Variants in USH2A observed in about 807,000 individuals in gnomAD.
USH2A encodes Usher syndrome 2A (autosomal recessive, mild).
USH2A carries 443 observed loss-of-function variants against 538.9 expected under a neutral mutation model. That is an observed-to-expected ratio of 0.82 (90% CI 0.76 to 0.89). The LOEUF is 0.89. USH2A is among the 40% of genes least tolerant of loss of function. USH2A has a pLI of 0.00. For synonymous variants in USH2A, 2,413 were observed against 2,273.5 expected (o/e 1.06, Z -1.75); for missense variants, 6,633 against 6,324.8 (o/e 1.05, Z -1.65).
intron 38 of USH2A, chr1:215,901,369 C>T (rs1665497336): frequency 5.9e-5 from 10 of 170,472 alleles, no homozygotes; most frequent in Non-Finnish European, 7.5e-5. Context: ...CTTTTCCTTT[C>T]TTTTTTTTTT....
At chr1:215,953,375 A>G (rs116242125) in intron 37 of USH2A, among the ~76,000 whole-genome samples, 22,658 of 152,160 alleles carry the variant, frequency 0.15, 1,891 homozygotes, top group African/African-American at 0.22. Context: ...GACATAGACC[A>G]ATAGAATGGA....
chr1:216,029,744 G>A (rs1669047439), intron 32 of USH2A, among the ~76,000 whole-genome samples: 1 of 151,642 alleles, frequency 6.6e-6, no homozygotes, highest in African/African-American at 2.4e-5. Context: ...ATGTACAAAT[G>A]AATAAGATAG....
At position 215,860,619 on chromosome 1, in the gene USH2A, A is replaced by T. The variant is rs140171836; in HGVS notation, c.8845+6388T>A. 4.6e-3 allele frequency among the ~76,000 whole-genome samples: 702 copies of T among 152,284 alleles called. 5 individuals are homozygous for T. Among genetic ancestry groups the T allele is most frequent in the African/African-American group, 0.016 (671 of 41,562 alleles). Reference sequence around the variant, plus strand: ...CTTATTTAAAAATCAGAATCACCTTATTGCTGTTTATGTGCTCCAGTGGCA... The same window carrying T: ...CTTATTTAAAAATCAGAATCACCTTTTTGCTGTTTATGTGCTCCAGTGGCA... On this transcript the variant is annotated intron_variant, in intron 44 of 71. Coordinates refer to ENST00000307340, the MANE Select transcript of USH2A (RefSeq NM_206933.4).
rs897954576 is a variant in USH2A, at chr1:216,146,045, C to T, written c.4627+29207G>A. Among the ~76,000 whole-genome samples the T allele has an allele frequency of 3.3e-5, 5 of 152,292 alleles. No homozygotes were observed. In the East Asian group the frequency reaches 5.8e-4, roughly 18 times the overall value. On this transcript the variant is annotated intron_variant, in intron 21 of 71. Transcript: ENST00000307340. ...GTTTGGTGGTCTCTTCACACGGACGCGCATGAAATTTGGTGCTGTGACTCG... is the reference window on the plus strand; with the variant it reads ...GTTTGGTGGTCTCTTCACACGGACGTGCATGAAATTTGGTGCTGTGACTCG...
rs2032080671 is a variant in USH2A, at chr1:216,084,947, G to A, written c.4988-70C>T. On this transcript the variant is annotated intron_variant, in intron 24 of 71. Transcript: ENST00000307340. ...TATTTTCAAGCAATTAATTTTATGT[G>A]CCATTAAAGTCAAAGAAATAGGCAC... 25 of 1,512,634 alleles carry A rather than the reference G, an allele frequency of 1.7e-5. 1 individual carries two copies. In the South Asian group the frequency reaches 2.9e-4, roughly 17 times the overall value. 93.7% of individuals were successfully genotyped at this position (1,512,634 alleles called of 1,614,324 possible). A position where few individuals can be genotyped will look rare whatever the true frequency, so the allele number is the denominator to read the frequency against.
intron 49 of USH2A, 113 bp from the exon 50 acceptor site, chr1:215,799,238 TA>T: frequency 1.6e-6 from 2 of 1,236,304 alleles, no homozygotes; most frequent in Non-Finnish European, 2.3e-6. Context: ...ACAGAATTAC[TA>T]AAGAGAATAA....
chr1:216,332,570 A>C (rs1043527467), intron 4 of USH2A, among the ~76,000 whole-genome samples: 2 of 152,146 alleles, frequency 1.3e-5, no homozygotes, highest in African/African-American at 4.8e-5. Flanking sequence ...GAGGCTCTGC[A>C]CAAGCAGGAA....
intron 38 of USH2A, among the ~76,000 whole-genome samples, chr1:215,923,722 C>T (rs1571816748): frequency 6.6e-6 from 1 of 152,100 alleles, no homozygotes; most frequent in East Asian, 1.9e-4. Flanking sequence ...AAAAATAGCC[C>T]CAGGCCACTA....
chr1:216,002,870 A>C (rs1022974760), intron 32 of USH2A, among the ~76,000 whole-genome samples: 1 of 152,176 alleles, frequency 6.6e-6, no homozygotes, highest in Admixed American at 6.5e-5. Context: ...GGTAGGACTT[A>C]GGTATCTCAA....
intron 14 of USH2A, among the ~76,000 whole-genome samples, chr1:216,221,028 T>G (rs2035449447): frequency 6.6e-6 from 1 of 152,078 alleles, no homozygotes; most frequent in South Asian, 2.1e-4. Context: ...TTGTCTTAGT[T>G]TTTTCCATCA....
chr1:215,926,093 G>A (rs943436171), intron 38 of USH2A, among the ~76,000 whole-genome samples: 1 of 151,622 alleles, frequency 6.6e-6, no homozygotes, highest in African/African-American at 2.4e-5. Context: ...CATGAAGAAA[G>A]TGCAAGATAC....
chr1:215,954,770 C>T lies in USH2A; in HGVS notation c.7120+10547G>A, dbSNP rs115485088. On this transcript the variant is annotated intron_variant, in intron 37 of 71. Coordinates refer to ENST00000307340, the MANE Select transcript of USH2A (RefSeq NM_206933.4). ...AAATTTTTTGTAATTATTGCAACTA[C>T]ACTTTTACTTTATGCCAAAGTCCTT... Among the ~76,000 whole-genome samples the T allele has an allele frequency of 2.8e-4, 42 of 152,170 alleles. 1 individual carries two copies. The highest frequency in any genetic ancestry group is 1.0e-3 in the African/African-American group (42 of 41,526).
intron 64 of USH2A, among the ~76,000 whole-genome samples, chr1:215,667,099 A>G (rs1011071373): frequency 6.6e-6 from 1 of 152,074 alleles, no homozygotes. Context: ...CAAAAAAAGA[A>G]AAAAAATACT....
chr1:216,211,712 C>A (rs1197793141), intron 15 of USH2A, among the ~76,000 whole-genome samples: 1 of 152,106 alleles, frequency 6.6e-6, no homozygotes, highest in African/African-American at 2.4e-5. Context: ...AAAAGAGTAG[C>A]AACAATCTCA....
In USH2A at chr1:216,217,440, C is replaced by G; in HGVS notation, c.3104G>C (p.Cys1035Ser). 4.3e-6 allele frequency: 7 copies of G among 1,613,276 alleles called. No homozygotes were observed. Among genetic ancestry groups the G allele is most frequent in the Non-Finnish European group, 5.9e-6 (7 of 1,179,514 alleles). Reference protein sequence around the residue: ...QFVTGSKCDACVPSASHLDVN... With the variant: ...QFVTGSKCDASVPSASHLDVN... ...ATCCAAGTGGCTTGCACTGGGAACACAAGCATCACACTTTGAGCCAGTGAC... is the reference window on the plus strand; with the variant it reads ...ATCCAAGTGGCTTGCACTGGGAACAGAAGCATCACACTTTGAGCCAGTGAC... Residue 1035 changes from cysteine to serine, a missense_variant, in exon 15 of 72, where the codon TGT (cysteine) becomes TCT (serine). Cys to Ser is a moderately radical substitution (Grantham distance 112). Coordinates refer to ENST00000307340, the MANE Select transcript of USH2A (RefSeq NM_206933.4).
intron 35 of USH2A, among the ~76,000 whole-genome samples, chr1:215,988,825 C>T (rs1365302433): frequency 6.6e-6 from 1 of 152,144 alleles, no homozygotes; most frequent in Non-Finnish European, 1.5e-5. Context: ...ATGTACTGAA[C>T]CAACTAGCAA....
At position 216,365,045 on chromosome 1, in the gene USH2A, T is replaced by C; in HGVS notation, c.692A>G (p.Glu231Gly). 6.2e-7 allele frequency: 1 copy of C among 1,613,536 alleles called. No homozygotes were observed. Among genetic ancestry groups the C allele is most frequent in the Non-Finnish European group, 8.5e-7 (1 of 1,179,642 alleles). Residue 231 changes from glutamate (E) to glycine (G), a missense_variant, in exon 4 of 72, where the codon GAG becomes GGG. Transcript: ENST00000307340. Reference sequence around the variant, plus strand: ...TGCATTGAAAGGTGTATGATCCTTCTCCACGCCATTGATAAAGAAGCTGAT... The same window carrying C: ...TGCATTGAAAGGTGTATGATCCTTCCCCACGCCATTGATAAAGAAGCTGAT... ...TKISFFINGV[E>G]KDHTPFNART...
At chr1:215,918,942 G>A (rs1176648443) in intron 38 of USH2A, among the ~76,000 whole-genome samples, 1 of 151,950 alleles carries the variant, frequency 6.6e-6, no homozygotes, top group Non-Finnish European at 1.5e-5. Context: ...TCACTTTTAG[G>A]TTTATGAACC....
At chr1:215,893,714 G>C (rs948664445) in intron 40 of USH2A, among the ~76,000 whole-genome samples, 6 of 152,066 alleles carry the variant, frequency 3.9e-5, no homozygotes, top group African/African-American at 1.2e-4. Flanking sequence ...GACATTACAA[G>C]CACTCTATAT....
Sources: allele counts gnomAD v4.1 joint callset (sites outside exome capture counted in the v4.1 genomes callset), GRCh38; gene constraint gnomAD v4.1.1; transcripts MANE v1.5; gene names NCBI Gene and HGNC (gene_info 2026-07-23, HGNC 2026-07-21).